KAZN: variants seen among roughly 807,000 people sequenced by gnomAD.
KAZN encodes the protein kazrin.
Under a neutral mutation model 87.4 loss-of-function variants are expected in KAZN, and 40 were observed. The observed-to-expected ratio is 0.46, with a 90% confidence interval of 0.36 to 0.60. The LOEUF is 0.60. Among genes scored for constraint, KAZN ranks in the 20% least tolerant of loss-of-function variants. KAZN has a pLI of 0.00. For synonymous variants in KAZN, 466 were observed against 458.3 expected, an observed-to-expected ratio of 1.02 and a Z score of -0.22; for missense variants, 898 against 1,073.9, an observed-to-expected ratio of 0.84 and a Z score of 2.29.
chr1:14,382,451 A>C, intron 2 of KAZN, among the ~76,000 whole-genome samples: 5 of 73,330 alleles, frequency 6.8e-5, no homozygotes, highest in Admixed American at 1.1e-4. Flanking sequence ...TATATCTCCC[A>C]ATGCTATCCC....
chr1:15,024,554 T>G (rs750328730), intron 2 of KAZN, among the ~76,000 whole-genome samples: 1 of 152,192 alleles, frequency 6.6e-6, no homozygotes, highest in Non-Finnish European at 1.5e-5. Context: ...ACATGCCAAG[T>G]GCAAAGAACT....
At chr1:14,981,910 G>A (rs1002378701) in intron 2 of KAZN, among the ~76,000 whole-genome samples, 3 of 152,182 alleles carry the variant, frequency 2.0e-5, no homozygotes, top group South Asian at 2.1e-4. Flanking sequence ...CAGGTATAGC[G>A]TGCCATCCAG....
At chr1:14,630,570 C>T in intron 1 of KAZN, among the ~76,000 whole-genome samples, 1 of 152,142 alleles carries the variant, frequency 6.6e-6, no homozygotes, top group Non-Finnish European at 1.5e-5. Context: ...ATAGTAATGA[C>T]CTCTCCACCA....
At chr1:14,653,152 A>G (rs1159843198) in intron 1 of KAZN, among the ~76,000 whole-genome samples, 2 of 152,270 alleles carry the variant, frequency 1.3e-5, no homozygotes, top group African/African-American at 4.8e-5. Context: ...AGGGTGGTTC[A>G]GAAACAAGTC....
rs760523626 is a variant in KAZN, at chr1:14,525,155, T to C, written c.250-73828T>C. 2.7e-4 allele frequency among the ~76,000 whole-genome samples: 41 copies of C among 152,366 alleles called. 1 individual carries two copies. Among genetic ancestry groups the C allele is most frequent in the Non-Finnish European group, 4.7e-4 (32 of 68,044 alleles). On this transcript the variant is annotated intron_variant, in intron 2 of 16. Coordinates refer to the KAZN transcript ENST00000636203. ...ATGGACGTGTGTTTGAATATGTGCA[T>C]GCATGCATGTATGTGTATGTAACAG...
intron 3 of KAZN, among the ~76,000 whole-genome samples, chr1:15,043,475 C>T (rs1673127728): frequency 6.6e-6 from 1 of 152,066 alleles, no homozygotes; most frequent in South Asian, 2.1e-4. Context: ...TGCCAACTTA[C>T]TCATTCATGC....
intron 1 of KAZN, among the ~76,000 whole-genome samples, chr1:14,662,151 C>T (rs1159894400): frequency 6.6e-6 from 1 of 152,092 alleles, no homozygotes; most frequent in Admixed American, 6.5e-5. Flanking sequence ...GGGGAGTGGT[C>T]AACTCCATCA....
chr1:14,592,884 T>C (rs1337869735), intron 2 of KAZN, among the ~76,000 whole-genome samples: 1 of 152,220 alleles, frequency 6.6e-6, no homozygotes, highest in Non-Finnish European at 1.5e-5. Context: ...CCAGGTGGAA[T>C]GCATGAATGC....
At chr1:14,345,378 C>T (rs528448930) in intron 2 of KAZN, among the ~76,000 whole-genome samples, 2 of 138,976 alleles carry the variant, frequency 1.4e-5, no homozygotes, top group South Asian at 5.3e-4. Context: ...TAAACATCTG[C>T]ATTTCTGTTT....
chr1:14,418,422 G>A (rs1222309960), intron 2 of KAZN, among the ~76,000 whole-genome samples: 1 of 152,128 alleles, frequency 6.6e-6, no homozygotes, highest in African/African-American at 2.4e-5. Flanking sequence ...GGAAACAGTG[G>A]CCACTACTTT....
intron 1 of KAZN, among the ~76,000 whole-genome samples, chr1:14,617,067 C>T (rs986163911): frequency 3.9e-5 from 6 of 152,188 alleles, no homozygotes; most frequent in African/African-American, 7.2e-5. Context: ...TGTGTGACTC[C>T]GTTCCTTTCA....
intron 2 of KAZN, among the ~76,000 whole-genome samples, chr1:14,459,584 T>G (rs1667751506): frequency 6.6e-6 from 1 of 152,166 alleles, no homozygotes; most frequent in Non-Finnish European, 1.5e-5. Context: ...CCAGCCTATC[T>G]GGAAAGCATG....
intron 1 of KAZN, among the ~76,000 whole-genome samples, chr1:14,697,329 C>G (rs1465869216): frequency 6.6e-6 from 1 of 150,782 alleles, no homozygotes; most frequent in African/African-American, 2.4e-5. Flanking sequence ...GAACCTGTCT[C>G]CAAAAAAAAT....
intron 2 of KAZN, among the ~76,000 whole-genome samples, chr1:14,195,970 G>A (rs909340870): frequency 6.6e-6 from 1 of 152,278 alleles, no homozygotes; most frequent in African/African-American, 2.4e-5. Context: ...TGTAGGAATT[G>A]AAGTAGGGGC....
intron 2 of KAZN, among the ~76,000 whole-genome samples, chr1:14,203,442 A>G (rs1469208328): frequency 3.9e-5 from 6 of 152,184 alleles, no homozygotes; most frequent in Admixed American, 3.3e-4. Context: ...CTTTTCTTTT[A>G]AAATTGTATT....
chr1:14,878,139 T>G (rs897908115), intron 1 of KAZN, among the ~76,000 whole-genome samples: 1 of 152,164 alleles, frequency 6.6e-6, no homozygotes, highest in African/African-American at 2.4e-5. Context: ...CAGTCTTAAC[T>G]TTCTACCCTC....
chr1:14,905,041 G>A (rs1048593834), intron 1 of KAZN, among the ~76,000 whole-genome samples: 34 of 151,958 alleles, frequency 2.2e-4, no homozygotes, highest in Admixed American at 4.6e-4. Flanking sequence ...GATTACAGGC[G>A]TGAGCCACCA....
intron 2 of KAZN, among the ~76,000 whole-genome samples, chr1:14,464,696 G>A (rs1668023466): frequency 6.6e-6 from 1 of 151,868 alleles, no homozygotes; most frequent in South Asian, 2.1e-4. Context: ...ATGCCACCAT[G>A]CCTGGCTAAT....
At chr1:14,407,257 TG>T (rs770169856) in intron 2 of KAZN, among the ~76,000 whole-genome samples, 18 of 152,188 alleles carry the variant, frequency 1.2e-4, no homozygotes, top group South Asian at 4.1e-4. Context: ...CTCTAAGACC[TG>T]GGAGAGGACT....
Sources: allele counts gnomAD v4.1 joint callset (sites outside exome capture counted in the v4.1 genomes callset), GRCh38; gene constraint gnomAD v4.1.1; transcripts MANE v1.5; gene names NCBI Gene and HGNC (gene_info 2026-07-23, HGNC 2026-07-21).